Variants in SH3RF3 observed in about 807,000 individuals in gnomAD.
The protein encoded by SH3RF3 is SH3 domain containing ring finger 3.
Under a neutral mutation model 66.3 loss-of-function variants are expected in SH3RF3, and 29 were observed. The ratio of observed to expected loss-of-function variants is 0.44; its 90% CI spans 0.33 to 0.60. The LOEUF (loss-of-function observed/expected upper bound fraction) is 0.60. Ranked by LOEUF, SH3RF3 falls within the 20% of genes least tolerant of loss-of-function variation. SH3RF3 has a pLI of 0.04. For missense variants in SH3RF3, 1,194 were observed against 1,190.9 expected (o/e 1.00, Z -0.04); for synonymous variants, 583 against 532.0 (o/e 1.10, Z -1.32).
At chr2:109,231,849 T>TA (rs1200412194) in intron 1 of SH3RF3, among the ~76,000 whole-genome samples, 2 of 152,172 alleles carry the variant, frequency 1.3e-5, no homozygotes, top group Admixed American at 6.5e-5. Flanking sequence ...TATTTGCCAT[T>TA]AAGAAAAACA....
intron 1 of SH3RF3, among the ~76,000 whole-genome samples, chr2:109,213,894 C>T (rs899303881): frequency 6.6e-6 from 1 of 152,196 alleles, no homozygotes; most frequent in Non-Finnish European, 1.5e-5. Context: ...GAGGCAAAGC[C>T]TCCCGGGACA....
At chr2:109,416,575 G>A (rs1474866055) in intron 4 of SH3RF3, among the ~76,000 whole-genome samples, 1 of 151,436 alleles carries the variant, frequency 6.6e-6, no homozygotes, top group African/African-American at 2.4e-5. Flanking sequence ...AGTAGAGACG[G>A]GGTTTCACCA....
chr2:109,471,206 C>CAA (rs61224177), intron 8 of SH3RF3, among the ~76,000 whole-genome samples: 1,816 of 39,476 alleles, frequency 0.046, 146 homozygotes, highest in East Asian at 0.11. Context: ...GACTCTGTCT[C>CAA]AAAAAAAAAA....
At chr2:109,253,030 CT>C (rs201228718) in intron 1 of SH3RF3, among the ~76,000 whole-genome samples, 3 of 151,024 alleles carry the variant, frequency 2.0e-5, no homozygotes, top group Non-Finnish European at 1.5e-5. Flanking sequence ...CTTTTTTTTT[CT>C]TTTTTTTTAT....
At chr2:109,180,458 C>T (rs1678049176) in intron 1 of SH3RF3, among the ~76,000 whole-genome samples, 1 of 152,140 alleles carries the variant, frequency 6.6e-6, no homozygotes, top group African/African-American at 2.4e-5. Flanking sequence ...CTTCCCCTGG[C>T]CCAGTGATAT....
At chr2:109,495,877 C>A (rs1679246204) in intron 9 of SH3RF3, among the ~76,000 whole-genome samples, 1 of 151,996 alleles carries the variant, frequency 6.6e-6, no homozygotes, top group Non-Finnish European at 1.5e-5. Context: ...TGTAAATCAC[C>A]TAGATTAACA....
At chr2:109,322,677 C>T (rs1405431936) in intron 1 of SH3RF3, among the ~76,000 whole-genome samples, 2 of 152,164 alleles carry the variant, frequency 1.3e-5, no homozygotes, top group Non-Finnish European at 2.9e-5. Context: ...GACTCATTAG[C>T]TGAGCACACA....
chr2:109,328,512 A>G (rs994211767), intron 1 of SH3RF3, among the ~76,000 whole-genome samples: 5 of 151,752 alleles, frequency 3.3e-5, no homozygotes, highest in Non-Finnish European at 5.9e-5. Context: ...TTGTTTACAC[A>G]TGTTTGTTTT....
chr2:109,142,307 CTTA>C (rs1472818363), intron 1 of SH3RF3, among the ~76,000 whole-genome samples: 4 of 152,334 alleles, frequency 2.6e-5, no homozygotes, highest in African/African-American at 9.6e-5. Context: ...TGTTTACAGT[CTTA>C]TTTTTTCTTA....
chr2:109,287,402 G>A (rs376418188), intron 1 of SH3RF3, among the ~76,000 whole-genome samples: 2 of 152,108 alleles, frequency 1.3e-5, no homozygotes, highest in African/African-American at 4.8e-5. Flanking sequence ...TTATCTGTGG[G>A]CTTACAGTGA....
intron 1 of SH3RF3, among the ~76,000 whole-genome samples, chr2:109,281,106 A>C (rs1680879347): frequency 6.6e-6 from 1 of 152,182 alleles, no homozygotes; most frequent in Non-Finnish European, 1.5e-5. Context: ...GCACACCCTG[A>C]GAGACAGGAA....
intron 1 of SH3RF3, among the ~76,000 whole-genome samples, chr2:109,300,405 C>A (rs1002586099): frequency 2.6e-5 from 4 of 152,096 alleles, no homozygotes; most frequent in South Asian, 2.1e-4. Context: ...GTCTCCAACT[C>A]CTCACCTCAA....
At position 109,285,499 on chromosome 2, in the gene SH3RF3, A is replaced by G. The variant is rs1032233112; in HGVS notation, c.574-62175A>G. ...CTGGACGTGGTATTCATATATTAAC[A>G]GTGCATGCTGGGGCACTTGGACTGC... is the stretch of plus-strand genomic sequence containing the variant. On this transcript the variant is annotated intron_variant, in intron 1 of 9. Transcript: ENST00000309415. Among the ~76,000 whole-genome samples the G allele has an allele frequency of 4.6e-5, 7 of 152,294 alleles. No homozygotes were observed. In the East Asian group the frequency reaches 1.4e-3, roughly 29 times the overall value.
chr2:109,501,313 A>T (rs535862597), intron 9 of SH3RF3, among the ~76,000 whole-genome samples, 190 bp from the exon 10 acceptor site: 1 of 152,220 alleles, frequency 6.6e-6, no homozygotes, highest in Admixed American at 6.5e-5. Context: ...ATGCCTTTTA[A>T]ATTTTTTTTA....
At chr2:109,171,795 C>G (rs1223243626) in intron 1 of SH3RF3, among the ~76,000 whole-genome samples, 1 of 152,254 alleles carries the variant, frequency 6.6e-6, no homozygotes, top group African/African-American at 2.4e-5. Flanking sequence ...CGCTCACTTG[C>G]AGCGGGGAGT....
rs149933195 is a variant in SH3RF3 at position 109,300,970 on chromosome 2, C to T, written c.574-46704C>T. Among the ~76,000 whole-genome samples, 1,402 of 152,312 alleles carry T rather than the reference C, an allele frequency of 9.2e-3. 28 individuals carry two copies. Among genetic ancestry groups the T allele is most frequent in the African/African-American group, 0.032 (1,324 of 41,556 alleles). ...GGCTACCAGCTGCAGATGCTGGTGC[C>T]GACTAGCCTTGCCTGAGTCTGGCTT... On this transcript the variant is annotated intron_variant, in intron 1 of 9. Transcript: ENST00000309415.
intron 2 of SH3RF3, among the ~76,000 whole-genome samples, chr2:109,365,255 A>C (rs1410725828): frequency 6.6e-6 from 1 of 152,170 alleles, no homozygotes; most frequent in Non-Finnish European, 1.5e-5. Flanking sequence ...TCCTTGAGGC[A>C]CAATTCACAA....
chr2:109,185,554 G>T (rs1678165152), intron 1 of SH3RF3, among the ~76,000 whole-genome samples: 1 of 152,210 alleles, frequency 6.6e-6, no homozygotes, highest in Admixed American at 6.5e-5. Flanking sequence ...AATGCTGGGG[G>T]TGGAGTCTCT....
At chr2:109,379,504 A>G (rs1296575418) in intron 3 of SH3RF3, among the ~76,000 whole-genome samples, 1 of 152,228 alleles carries the variant, frequency 6.6e-6, no homozygotes, top group Non-Finnish European at 1.5e-5. Flanking sequence ...AAGAGTCAGG[A>G]CACCCTGATG....
Sources: allele counts gnomAD v4.1 joint callset (sites outside exome capture counted in the v4.1 genomes callset), GRCh38; gene constraint gnomAD v4.1.1; transcripts MANE v1.5; gene names NCBI Gene and HGNC (gene_info 2026-07-23, HGNC 2026-07-21).